Variants in IL1RAPL1 observed in about 807,000 individuals in gnomAD.
The protein encoded by IL1RAPL1 is interleukin 1 receptor accessory protein like 1, also known as interleukin-1 receptor accessory protein-like 1.
IL1RAPL1 carries 3 observed loss-of-function variants against 48.4 expected under a neutral mutation model. That is an observed-to-expected ratio of 0.06 (90% CI 0.03 to 0.16). The LOEUF is 0.16. Among genes scored for constraint, IL1RAPL1 ranks in the 10% least tolerant of loss-of-function variants. The pLI is 1.00. For missense variants in IL1RAPL1, 349 were observed against 530.6 expected (o/e 0.66, Z 3.36); for synonymous variants, 185 against 187.7 (o/e 0.99, Z 0.12).
At chrX:29,680,428 C>A (rs958161847) in intron 6 of IL1RAPL1, among the ~76,000 whole-genome samples, 1 of 110,951 alleles carries the variant, frequency 9.0e-6, no homozygotes, top group South Asian at 3.8e-4. Flanking sequence ...AGATACAGAT[C>A]TAAATTTTGG....
At chrX:29,378,780 G>A (rs1337474879) in intron 3 of IL1RAPL1, among the ~76,000 whole-genome samples, 2 of 112,168 alleles carry the variant, frequency 1.8e-5, no homozygotes, top group Admixed American at 9.4e-5. Context: ...GGTATAGGGG[G>A]GAGAAGAGAT....
chrX:28,645,172 AC>A (rs1343240605), intron 1 of IL1RAPL1, among the ~76,000 whole-genome samples: 2 of 107,635 alleles, frequency 1.9e-5, no homozygotes, highest in African/African-American at 6.8e-5. Flanking sequence ...ACATGGAGTG[AC>A]CCTGTCTCTA....
At chrX:28,702,173 T>G (rs1227376663) in intron 1 of IL1RAPL1, among the ~76,000 whole-genome samples, 1 of 111,529 alleles carries the variant, frequency 9.0e-6, no homozygotes, top group East Asian at 2.8e-4. Context: ...TCTATGTAAC[T>G]GGTTTAGAAT....
intron 6 of IL1RAPL1, among the ~76,000 whole-genome samples, chrX:29,844,350 A>G (rs1220917360): frequency 8.9e-6 from 1 of 111,750 alleles, no homozygotes; most frequent in East Asian, 2.8e-4. Context: ...CTGTGTTAGT[A>G]TATGTATGAT....
At chrX:29,131,036 C>T (rs1194614553) in intron 2 of IL1RAPL1, among the ~76,000 whole-genome samples, 2 of 111,667 alleles carry the variant, frequency 1.8e-5, no homozygotes, top group Non-Finnish European at 3.8e-5. Context: ...TCAGACACTG[C>T]GGAGAAGAAA....
At chrX:29,575,592 T>A (rs2147800771) in intron 5 of IL1RAPL1, among the ~76,000 whole-genome samples, 1 of 111,829 alleles carries the variant, frequency 8.9e-6, no homozygotes. Context: ...GGTGGATCTT[T>A]CTCTCCTATT....
chrX:29,347,319 G>C (rs1009563114), intron 3 of IL1RAPL1, among the ~76,000 whole-genome samples: 2 of 110,243 alleles, frequency 1.8e-5, no homozygotes, highest in Non-Finnish European at 3.8e-5. Flanking sequence ...CAATTTCTCA[G>C]ATAGAAAATT....
intron 5 of IL1RAPL1, among the ~76,000 whole-genome samples, chrX:29,634,477 A>G (rs1569133531): frequency 9.0e-6 from 1 of 111,570 alleles, no homozygotes; most frequent in Non-Finnish European, 1.9e-5. Context: ...GAAGCAGCCT[A>G]TAATTTTAAT....
intron 6 of IL1RAPL1, among the ~76,000 whole-genome samples, chrX:29,773,573 T>C (rs1055770358): frequency 1.9e-4 from 21 of 112,671 alleles, no homozygotes; most frequent in African/African-American, 6.8e-4. Context: ...TCTTGTTAAA[T>C]TGTCTCTCAT....
At chrX:29,901,597 A>AT (rs1256823864) in intron 6 of IL1RAPL1, among the ~76,000 whole-genome samples, 1 of 110,707 alleles carries the variant, frequency 9.0e-6, no homozygotes, top group Non-Finnish European at 1.9e-5. Flanking sequence ...TTTTCCCCCC[A>AT]TATTTTTCCT....
rs191903955 is a variant in IL1RAPL1 at position 29,234,936 on chromosome X, A to G, written c.83-48002A>G. 2.0e-3 allele frequency among the ~76,000 whole-genome samples: 221 copies of G among 112,327 alleles called. 1 individual carries two copies. Among genetic ancestry groups the G allele is most frequent in the Non-Finnish European group, 2.9e-3 (154 of 53,262 alleles). ...ATTATAACATTTAAGGCCCTTTACT[A>G]TATACCTTTCCTTCCTGTCCTCCAG... On this transcript the variant is annotated intron_variant, in intron 2 of 10. Transcript: ENST00000378993.
At chrX:28,725,109 C>T (rs1355947184) in intron 1 of IL1RAPL1, among the ~76,000 whole-genome samples, 1 of 109,031 alleles carries the variant, frequency 9.2e-6, no homozygotes, top group Non-Finnish European at 1.9e-5. Flanking sequence ...CCGCACCACG[C>T]CCGGCTAATT....
At chrX:29,787,118 A>C (rs1218241321) in intron 6 of IL1RAPL1, among the ~76,000 whole-genome samples, 2 of 111,754 alleles carry the variant, frequency 1.8e-5, no homozygotes, top group Admixed American at 1.9e-4. Context: ...TGAGGTCTTC[A>C]GTAGAGGAAC....
chrX:28,698,465 T>G (rs1364425919), intron 1 of IL1RAPL1, among the ~76,000 whole-genome samples: 3 of 111,801 alleles, frequency 2.7e-5, no homozygotes, highest in Non-Finnish European at 3.8e-5. Context: ...TTTGTTAGAT[T>G]ATTCTGGTTC....
At chrX:29,938,913 T>C (rs1194923009) in intron 8 of IL1RAPL1, among the ~76,000 whole-genome samples, 1 of 112,485 alleles carries the variant, frequency 8.9e-6, no homozygotes, top group Non-Finnish European at 1.9e-5. Context: ...GTATCAGTAG[T>C]TTACTACTTT....
intron 6 of IL1RAPL1, among the ~76,000 whole-genome samples, chrX:29,906,353 CA>C (rs1311290240): frequency 2.9e-4 from 18 of 62,142 alleles, no homozygotes; most frequent in South Asian, 2.0e-3. Context: ...AAACAAACAA[CA>C]AAAAAAAAAA....
At chrX:29,804,743 T>C (rs1355826817) in intron 6 of IL1RAPL1, among the ~76,000 whole-genome samples, 2 of 111,688 alleles carry the variant, frequency 1.8e-5, no homozygotes, top group Admixed American at 1.9e-4. Flanking sequence ...GATACAAACA[T>C]GTAAAGTGCA....
At chrX:28,907,778 TCTTTA>T (rs962451316) in intron 2 of IL1RAPL1, among the ~76,000 whole-genome samples, 1 of 112,458 alleles carries the variant, frequency 8.9e-6, no homozygotes, top group African/African-American at 3.2e-5. Flanking sequence ...GGAACAATTT[TCTTTA>T]CTTCTGTTTT....
chrX:29,588,514 C>T (rs1923259444), intron 5 of IL1RAPL1, among the ~76,000 whole-genome samples: 1 of 112,188 alleles, frequency 8.9e-6, no homozygotes, highest in Non-Finnish European at 1.9e-5. Context: ...TTATCATTAC[C>T]TTGTCATCAT....
Sources: gnomAD v4.1 joint callset for allele counts (sites outside exome capture counted in the v4.1 genomes callset) on GRCh38, gnomAD v4.1.1 for gene constraint, MANE v1.5 for transcripts, NCBI Gene and HGNC (gene_info 2026-07-23, HGNC 2026-07-21) for gene names.